UBE4B: variants seen among roughly 807,000 people sequenced by gnomAD.
UBE4B encodes the protein ubiquitination factor E4B, also known as ubiquitin conjugation factor E4 B.
Under a neutral mutation model 148.1 loss-of-function variants are expected in UBE4B, and 27 were observed. That is an observed-to-expected ratio of 0.18 (90% CI 0.13 to 0.25). UBE4B has a LOEUF of 0.25. Ranked by LOEUF, UBE4B falls within the 10% of genes least tolerant of loss-of-function variation. The pLI, the probability that UBE4B is intolerant of heterozygous loss-of-function variation, is 1.00. For missense variants in UBE4B, 1,170 were observed against 1,662.4 expected, an observed-to-expected ratio of 0.70 and a Z score of 5.15; for synonymous variants, 596 against 619.3, an observed-to-expected ratio of 0.96 and a Z score of 0.56.
intron 1 of UBE4B, among the ~76,000 whole-genome samples, chr1:10,052,093 G>A (rs1032815791): frequency 6.6e-6 from 1 of 150,816 alleles, no homozygotes; most frequent in South Asian, 2.1e-4. Flanking sequence ...TTGAGACGGG[G>A]TCTTGCTCTG....
At chr1:10,093,162 A>G (rs1054388109) in intron 2 of UBE4B, among the ~76,000 whole-genome samples, 19 of 152,238 alleles carry the variant, frequency 1.2e-4, no homozygotes, top group African/African-American at 4.6e-4. Flanking sequence ...TTTGTAGGGT[A>G]GAAATTTTAA....
intron 1 of UBE4B, among the ~76,000 whole-genome samples, chr1:10,040,720 C>T (rs565500821): frequency 3.3e-5 from 5 of 151,360 alleles, no homozygotes; most frequent in East Asian, 1.9e-4. Flanking sequence ...CAGGTTCAAG[C>T]GATTCTCCTG....
intron 2 of UBE4B, among the ~76,000 whole-genome samples, chr1:10,092,466 G>T (rs993268461): frequency 2.6e-5 from 4 of 151,350 alleles, no homozygotes; most frequent in African/African-American, 7.3e-5. Context: ...CTCATGATCC[G>T]CCCGCCTCAG....
chr1:10,137,909 C>A (rs1557588144), intron 17 of UBE4B, among the ~76,000 whole-genome samples: 1 of 133,408 alleles, frequency 7.5e-6, no homozygotes, highest in African/African-American at 2.7e-5. Context: ...TTGCTTAAAT[C>A]ACTTACTAAT....
chr1:10,099,643 GAA>G (rs1644978546), intron 3 of UBE4B, among the ~76,000 whole-genome samples: 1 of 152,140 alleles, frequency 6.6e-6, no homozygotes, highest in Non-Finnish European at 1.5e-5. Context: ...TGTAGAAGAG[GAA>G]AGAGCCAAGG....
intron 5 of UBE4B, among the ~76,000 whole-genome samples, chr1:10,104,835 T>C (rs1212834193): frequency 1.3e-5 from 2 of 152,210 alleles, no homozygotes; most frequent in Non-Finnish European, 2.9e-5. Context: ...GGCAACTCTG[T>C]CTTACACATG....
At chr1:10,048,155 C>A (rs186241305) in intron 1 of UBE4B, among the ~76,000 whole-genome samples, 2 of 152,190 alleles carry the variant, frequency 1.3e-5, no homozygotes, top group Admixed American at 1.3e-4. Flanking sequence ...GTCCTGAATG[C>A]GTTTTGGGAG....
intron 5 of UBE4B, among the ~76,000 whole-genome samples, chr1:10,104,533 T>C (rs1454474656): frequency 6.6e-6 from 1 of 152,198 alleles, no homozygotes; most frequent in Non-Finnish European, 1.5e-5. Flanking sequence ...ATCACCTTTC[T>C]CTTTTCTATG....
intron 21 of UBE4B, among the ~76,000 whole-genome samples, chr1:10,152,213 C>T (rs1031324307): frequency 1.3e-5 from 2 of 151,326 alleles, no homozygotes; most frequent in Non-Finnish European, 2.9e-5. Context: ...GAGCCGAGAT[C>T]CCGCCACTGT....
chr1:10,102,907 C>G, intron 4 of UBE4B, 41 bp from the exon 5 acceptor site: 1 of 1,570,946 alleles, frequency 6.4e-7, no homozygotes, highest in Non-Finnish European at 8.7e-7. Flanking sequence ...TAACTCATAC[C>G]TCTTATTTGA....
intron 3 of UBE4B, 94 bp from the exon 4 acceptor site, chr1:10,101,014 C>A: frequency 9.4e-7 from 1 of 1,067,176 alleles, no homozygotes; most frequent in Non-Finnish European, 1.4e-6. Context: ...TCCTGATTAA[C>A]TGATATTTTA....
chr1:10,086,964 G>A (rs568360799), intron 2 of UBE4B, among the ~76,000 whole-genome samples: 2 of 152,268 alleles, frequency 1.3e-5, no homozygotes, highest in South Asian at 2.1e-4. Flanking sequence ...GAGCCACCGC[G>A]CCTGGCCTCC....
chr1:10,138,996 T>C (rs1570963091), intron 17 of UBE4B, among the ~76,000 whole-genome samples: 1 of 152,338 alleles, frequency 6.6e-6, no homozygotes, highest in Non-Finnish European at 1.5e-5. Flanking sequence ...TTTGCTAATA[T>C]TCTGTTTAGG....
intron 7 of UBE4B, among the ~76,000 whole-genome samples, chr1:10,116,999 G>C (rs551207656): frequency 1.0e-3 from 155 of 152,316 alleles, no homozygotes; most frequent in African/African-American, 3.1e-3. Flanking sequence ...ATTGCCAAAT[G>C]TTAGATGAGG....
In UBE4B at chr1:10,126,718, A is replaced by G. The variant is rs149248763; in HGVS notation, c.1555-76A>G. 1.1e-3 allele frequency: 1,438 copies of G among 1,278,522 alleles called. 4 individuals are homozygous for G. Among genetic ancestry groups the G allele is most frequent in the Non-Finnish European group, 8.8e-4 (779 of 889,346 alleles). The allele number at this position is 1,278,522 out of a possible 1,614,324, so 79.2% of individuals were successfully genotyped here. ...GAATGAAATTTGGACATTCAGTTCT[A>G]GCACCTTATTTGACATACTTCCCAC... is the stretch of plus-strand genomic sequence containing the variant. On this transcript the variant is annotated intron_variant, in intron 10 of 27. Coordinates refer to ENST00000343090, the MANE Select transcript of UBE4B (RefSeq NM_001105562.3).
At chr1:10,068,710 C>T (rs1644432933) in intron 1 of UBE4B, among the ~76,000 whole-genome samples, 1 of 152,134 alleles carries the variant, frequency 6.6e-6, no homozygotes, top group South Asian at 2.1e-4. Flanking sequence ...GGAGGTAAAC[C>T]TTTATACCTG....
chr1:10,125,564 A>G (rs1340745602), intron 10 of UBE4B, among the ~76,000 whole-genome samples: 1 of 152,232 alleles, frequency 6.6e-6, no homozygotes, highest in Non-Finnish European at 1.5e-5. Context: ...TTAGTAGGAA[A>G]GGGAATTTTT....
rs1439031817 is a variant in UBE4B, at chr1:10,168,862, A to C, written c.3333+592A>C. On this transcript the variant is annotated intron_variant, in intron 24 of 27. Transcript: ENST00000343090. This position sits in a 1 kb window ranked among gnomAD's most constrained non-coding sequence, Gnocchi z 4.9. The stretch of plus-strand genomic sequence containing the variant: ...AGCCGAGATGGTGCCACTGCACTCC[A>C]GCCTGGGCGACAGAGTGAGACTCCA... 1.3e-5 allele frequency among the ~76,000 whole-genome samples: 2 copies of C among 151,156 alleles called. No individual in the cohort carries two copies. Among genetic ancestry groups the C allele is most frequent in the African/African-American group, 2.4e-5 (1 of 40,984 alleles).
At chr1:10,169,841 C>G (rs1453153077) in intron 24 of UBE4B, among the ~76,000 whole-genome samples, 1 of 152,118 alleles carries the variant, frequency 6.6e-6, no homozygotes, top group Non-Finnish European at 1.5e-5. Context: ...ATGGCGAAAC[C>G]CCGTCTCTAC....
Sources: allele counts gnomAD v4.1 joint callset (sites outside exome capture counted in the v4.1 genomes callset), GRCh38; gene constraint gnomAD v4.1.1; non-coding constraint Gnocchi (gnomAD v3.1); transcripts MANE v1.5; gene names NCBI Gene and HGNC (gene_info 2026-07-23, HGNC 2026-07-21).